Variants in KCNIP4 observed in about 807,000 individuals in gnomAD.
KCNIP4 encodes the protein potassium voltage-gated channel interacting protein 4, also known as Kv channel-interacting protein 4.
KCNIP4 carries 12 observed loss-of-function variants against 34.0 expected under a neutral mutation model. The ratio of observed to expected loss-of-function variants is 0.35; its 90% CI spans 0.23 to 0.57. KCNIP4 has a LOEUF of 0.57. KCNIP4 is among the 20% of genes least tolerant of loss of function. The pLI is 0.83. For missense variants in KCNIP4, 238 were observed against 311.7 expected, an observed-to-expected ratio of 0.76 and a Z score of 1.78; for synonymous variants, 124 against 102.2, an observed-to-expected ratio of 1.21 and a Z score of -1.29.
At chr4:21,626,263 A>T (rs551942092) in intron 1 of KCNIP4, among the ~76,000 whole-genome samples, 3 of 152,116 alleles carry the variant, frequency 2.0e-5, no homozygotes, top group Admixed American at 2.0e-4. Context: ...CTAATCCTCA[A>T]TGTGATGGTA....
At chr4:21,505,734 C>A (rs1305913026) in intron 1 of KCNIP4, among the ~76,000 whole-genome samples, 4 of 152,110 alleles carry the variant, frequency 2.6e-5, no homozygotes, top group Non-Finnish European at 5.9e-5. Context: ...GCTAAAAAAT[C>A]AATGACCAAT....
At chr4:21,808,017 G>A (rs141478044) in intron 1 of KCNIP4, among the ~76,000 whole-genome samples, 4 of 152,206 alleles carry the variant, frequency 2.6e-5, no homozygotes, top group Admixed American at 2.0e-4. Context: ...AATAAAAATT[G>A]TATTAACGTT....
chr4:21,468,015 C>G (rs1358766141), intron 1 of KCNIP4, among the ~76,000 whole-genome samples: 1 of 152,104 alleles, frequency 6.6e-6, no homozygotes, highest in East Asian at 1.9e-4. Flanking sequence ...AAATTCTGCC[C>G]CAGAGGATCT....
At position 21,837,066 on chromosome 4, in the gene KCNIP4, C is replaced by T. The variant is rs1429501602; in HGVS notation, c.61+111505G>A. On this transcript the variant is annotated intron_variant, in intron 1 of 8. Transcript: ENST00000382152. ...CCAAATAGCTGGGACTACAGGGGCC[C>T]GCCACCACGCCTGGCTAATTTTTTG... Among the ~76,000 whole-genome samples the T allele has an allele frequency of 6.6e-5, 10 of 150,980 alleles. No homozygotes were observed. In the East Asian group the frequency reaches 8.1e-4, roughly 12 times the overall value.
intron 4 of KCNIP4, among the ~76,000 whole-genome samples, chr4:20,757,112 A>G (rs112477091): frequency 2.6e-5 from 4 of 152,218 alleles, no homozygotes; most frequent in Admixed American, 2.0e-4. Context: ...CCTCCTGTAA[A>G]GAGTCACCTG....
At chr4:21,570,038 A>G (rs576488165) in intron 1 of KCNIP4, among the ~76,000 whole-genome samples, 5 of 152,094 alleles carry the variant, frequency 3.3e-5, no homozygotes, top group Non-Finnish European at 7.4e-5. Flanking sequence ...TTGGAGGCTG[A>G]AGCCATCGTT....
chr4:21,527,133 G>T (rs896670547), intron 1 of KCNIP4, among the ~76,000 whole-genome samples: 1 of 152,130 alleles, frequency 6.6e-6, no homozygotes, highest in African/African-American at 2.4e-5. Flanking sequence ...TGCCTAGGCT[G>T]CCGTTTCCAT....
At chr4:21,109,912 G>GAA (rs35249066) in intron 1 of KCNIP4, among the ~76,000 whole-genome samples, 2 of 151,892 alleles carry the variant, frequency 1.3e-5, no homozygotes, top group South Asian at 4.2e-4. Flanking sequence ...AATTTTCAAA[G>GAA]AAAAAATGTA....
intron 3 of KCNIP4, among the ~76,000 whole-genome samples, chr4:20,812,745 C>T (rs1715921037): frequency 6.6e-6 from 1 of 152,022 alleles, no homozygotes; most frequent in Non-Finnish European, 1.5e-5. Context: ...CATTTCCTCC[C>T]TTGAACTTGA....
At chr4:21,000,533 A>T (rs1577512852) in intron 1 of KCNIP4, among the ~76,000 whole-genome samples, 1 of 151,986 alleles carries the variant, frequency 6.6e-6, no homozygotes, top group East Asian at 1.9e-4. Flanking sequence ...AAAAATACAA[A>T]AATTAGCCAG....
intron 1 of KCNIP4, among the ~76,000 whole-genome samples, chr4:21,569,797 A>G (rs1267585881): frequency 6.6e-6 from 1 of 151,992 alleles, no homozygotes; most frequent in African/African-American, 2.4e-5. Context: ...AGCAGGGGAG[A>G]AAAAAAGAAA....
At chr4:21,165,848 G>A (rs1379109318) in intron 1 of KCNIP4, among the ~76,000 whole-genome samples, 4 of 152,124 alleles carry the variant, frequency 2.6e-5, no homozygotes, top group South Asian at 2.1e-4. Flanking sequence ...TAAGAGGTGC[G>A]GCCTTTAAGA....
At chr4:21,575,144 T>G (rs115670011) in intron 1 of KCNIP4, among the ~76,000 whole-genome samples, 37 of 152,302 alleles carry the variant, frequency 2.4e-4, no homozygotes, top group African/African-American at 8.4e-4. Context: ...GAGGTGATCT[T>G]GCCCTCAAAC....
intron 1 of KCNIP4, among the ~76,000 whole-genome samples, chr4:21,334,260 T>C (rs1578091782): frequency 6.6e-6 from 1 of 151,956 alleles, no homozygotes; most frequent in Non-Finnish European, 1.5e-5. Context: ...GTCTATCTGA[T>C]AGGGTCATGG....
At chr4:21,786,312 C>G (rs553990753) in intron 1 of KCNIP4, among the ~76,000 whole-genome samples, 3 of 152,112 alleles carry the variant, frequency 2.0e-5, no homozygotes, top group African/African-American at 7.2e-5. Context: ...CATGTTTAAC[C>G]TTTTGAGATA....
At chr4:21,065,435 T>C (rs1399985019) in intron 1 of KCNIP4, among the ~76,000 whole-genome samples, 2 of 152,098 alleles carry the variant, frequency 1.3e-5, no homozygotes, top group Non-Finnish European at 2.9e-5. Context: ...ACTCCTACAA[T>C]TGGTTTGATT....
In KCNIP4 at chr4:21,079,648, A is replaced by G. The variant is rs573228757; in HGVS notation, c.62-196939T>C. Among the ~76,000 whole-genome samples, 89 of 151,904 alleles carry G rather than the reference A, an allele frequency of 5.9e-4. 1 individual carries two copies. The highest frequency in any genetic ancestry group is 9.6e-4 in the Non-Finnish European group (65 of 68,022). Reference sequence around the variant, plus strand: ...AGACCCTGTGAATATGTTATGTTACATATCAAGGGGGAATTAAGGCTGTAA... The same window carrying G: ...AGACCCTGTGAATATGTTATGTTACGTATCAAGGGGGAATTAAGGCTGTAA... On this transcript the variant is annotated intron_variant, in intron 1 of 8. Coordinates refer to ENST00000382152, the MANE Select transcript of KCNIP4 (RefSeq NM_025221.6).
At chr4:20,811,952 C>A (rs1363223600) in intron 3 of KCNIP4, among the ~76,000 whole-genome samples, 3 of 152,012 alleles carry the variant, frequency 2.0e-5, no homozygotes, top group African/African-American at 4.8e-5. Flanking sequence ...GAGCAGATTC[C>A]CAGAAAAGAA....
At chr4:21,358,402 A>G (rs1718879135) in intron 1 of KCNIP4, among the ~76,000 whole-genome samples, 1 of 152,184 alleles carries the variant, frequency 6.6e-6, no homozygotes, top group Non-Finnish European at 1.5e-5. Context: ...TTAGTTGTGC[A>G]TAATCAAATA....
Sources: gnomAD v4.1 joint callset for allele counts (sites outside exome capture counted in the v4.1 genomes callset) on GRCh38, gnomAD v4.1.1 for gene constraint, MANE v1.5 for transcripts, NCBI Gene and HGNC (gene_info 2026-07-23, HGNC 2026-07-21) for gene names.